Variants in HTR1F observed in about 807,000 individuals in gnomAD.
The protein encoded by HTR1F is 5-hydroxytryptamine receptor 1F.
In HTR1F, 17 loss-of-function variants were observed where a neutral mutation model predicts 24.0. The observed-to-expected ratio is 0.71, with a 90% CI of 0.48 to 1.06. HTR1F has a LOEUF of 1.06. Ranked by LOEUF, HTR1F falls within the 50% of genes least tolerant of loss-of-function variation. The probability of loss-of-function intolerance (pLI) is 0.00; values close to 1 mark genes in which losing one functional copy is unlikely to be tolerated. For synonymous variants in HTR1F, 186 were observed against 156.8 expected (o/e 1.19, Z -1.39); for missense variants, 391 against 427.8 (o/e 0.91, Z 0.76).
At chr3:87,899,263 T>A (rs1559623543) in intron 2 of HTR1F, among the ~76,000 whole-genome samples, 1 of 152,224 alleles carries the variant, frequency 6.6e-6, no homozygotes, top group African/African-American at 2.4e-5. Flanking sequence ...TTTTATGTCA[T>A]CAGCCTTGTT....
chr3:87,939,721 A>AT (rs1704517039), intron 2 of HTR1F, among the ~76,000 whole-genome samples: 1 of 151,958 alleles, frequency 6.6e-6, no homozygotes, highest in African/African-American at 2.4e-5. Context: ...CCCCTTTGTC[A>AT]TTTTTTATTG....
intron 2 of HTR1F, among the ~76,000 whole-genome samples, chr3:87,868,445 T>C (rs75151642): frequency 1.7e-3 from 254 of 152,108 alleles, no homozygotes; most frequent in African/African-American, 5.8e-3. Context: ...TATAATTAGA[T>C]AGAAGAATGA....
At chr3:87,846,034 T>A (rs545641167) in intron 2 of HTR1F, among the ~76,000 whole-genome samples, 2 of 152,050 alleles carry the variant, frequency 1.3e-5, no homozygotes, top group East Asian at 3.9e-4. Context: ...CTTCTAGGGC[T>A]AGGGATAAGC....
At chr3:87,857,904 C>T (rs1705230382) in intron 2 of HTR1F, among the ~76,000 whole-genome samples, 1 of 152,074 alleles carries the variant, frequency 6.6e-6, no homozygotes, top group Non-Finnish European at 1.5e-5. Flanking sequence ...CTGCCTACGG[C>T]AAGATATGAT....
At chr3:87,879,385 G>GT (rs1474065216) in intron 2 of HTR1F, among the ~76,000 whole-genome samples, 3 of 151,928 alleles carry the variant, frequency 2.0e-5, no homozygotes, top group Admixed American at 6.6e-5. Flanking sequence ...TGTCATTAAT[G>GT]TTTTTTTACT....
chr3:87,978,824 C>T (rs1449482591), intron 2 of HTR1F, among the ~76,000 whole-genome samples: 1 of 127,284 alleles, frequency 7.9e-6, no homozygotes, highest in Non-Finnish European at 1.6e-5. Flanking sequence ...GGTCCTATTG[C>T]TGCACCCTAA....
At chr3:87,900,638 G>A (rs1286450824) in intron 2 of HTR1F, among the ~76,000 whole-genome samples, 1 of 152,146 alleles carries the variant, frequency 6.6e-6, no homozygotes, top group Non-Finnish European at 1.5e-5. Context: ...AGAGATTCTA[G>A]AGGTGGCAGT....
chr3:87,846,154 C>T (rs979574200), intron 2 of HTR1F, among the ~76,000 whole-genome samples: 2 of 151,876 alleles, frequency 1.3e-5, no homozygotes, highest in African/African-American at 4.9e-5. Context: ...TAGTATGGGC[C>T]GGGTGCGGTG....
chr3:87,941,543 C>T (rs909023129), intron 2 of HTR1F, among the ~76,000 whole-genome samples: 1 of 152,146 alleles, frequency 6.6e-6, no homozygotes, highest in Non-Finnish European at 1.5e-5. Flanking sequence ...TAGCCCCGTA[C>T]TGAAGGACAA....
In HTR1F at chr3:87,990,445, T is replaced by C. The variant is rs1158157126; in HGVS notation, c.-42-263T>C. 9.2e-5 allele frequency among the ~76,000 whole-genome samples: 14 copies of C among 152,310 alleles called. No homozygotes were observed. In the East Asian group the frequency reaches 2.7e-3, roughly 29 times the overall value. ...CTATAATGGCAGAGATTTCACTGAG[T>C]AACAAGCTAGAGTATTCATTAAAAA... On this transcript the variant is annotated intron_variant, in intron 2 of 2. Coordinates refer to ENST00000319595, the MANE Select transcript of HTR1F (RefSeq NM_001322209.2).
intron 2 of HTR1F, among the ~76,000 whole-genome samples, chr3:87,847,289 A>G (rs1199613529): frequency 6.6e-6 from 1 of 151,902 alleles, no homozygotes; most frequent in Non-Finnish European, 1.5e-5. Context: ...CAAATTTACT[A>G]GGGTTCTATT....
chr3:87,810,479 T>C (rs1158069256), intron 1 of HTR1F, among the ~76,000 whole-genome samples: 1 of 152,164 alleles, frequency 6.6e-6, no homozygotes, highest in Non-Finnish European at 1.5e-5. Flanking sequence ...CATACTTTCT[T>C]TTGATGCCTT....
chr3:87,858,559 G>A (rs1487134825), intron 2 of HTR1F, among the ~76,000 whole-genome samples: 2 of 151,980 alleles, frequency 1.3e-5, no homozygotes, highest in South Asian at 2.1e-4. Context: ...TATATTTTGG[G>A]GGACTAAAGT....
chr3:87,803,164 C>G (rs1704021744), intron 1 of HTR1F, among the ~76,000 whole-genome samples: 1 of 152,162 alleles, frequency 6.6e-6, no homozygotes, highest in Non-Finnish European at 1.5e-5. Context: ...CCTTTCCCCT[C>G]TCTCTTCTGA....
chr3:87,846,590 T>A (rs1704950373), intron 2 of HTR1F, among the ~76,000 whole-genome samples: 1 of 151,994 alleles, frequency 6.6e-6, no homozygotes, highest in African/African-American at 2.4e-5. Flanking sequence ...TAGTCAGCAT[T>A]TCAATTTTTT....
intron 2 of HTR1F, among the ~76,000 whole-genome samples, chr3:87,930,838 C>A (rs1174365626): frequency 6.6e-6 from 1 of 152,058 alleles, no homozygotes; most frequent in African/African-American, 2.4e-5. Context: ...CATACCTATA[C>A]ATATACATTT....
At chr3:87,942,803 C>A (rs1704602654) in intron 2 of HTR1F, among the ~76,000 whole-genome samples, 1 of 151,756 alleles carries the variant, frequency 6.6e-6, no homozygotes, top group Non-Finnish European at 1.5e-5. Context: ...TATAAAAAAC[C>A]CAGGTTACCA....
chr3:87,983,182 A>T (rs1705589448), intron 2 of HTR1F, among the ~76,000 whole-genome samples: 1 of 152,230 alleles, frequency 6.6e-6, no homozygotes, highest in Admixed American at 6.5e-5. Flanking sequence ...GGGAGAGATG[A>T]GTATTCAAAG....
chr3:87,891,711 C>T (rs1706090634), intron 2 of HTR1F, among the ~76,000 whole-genome samples: 1 of 152,168 alleles, frequency 6.6e-6, no homozygotes, highest in Non-Finnish European at 1.5e-5. Context: ...ATTGATACTT[C>T]GTTGTTTCTC....
Sources: gnomAD v4.1 joint callset for allele counts (sites outside exome capture counted in the v4.1 genomes callset) on GRCh38, gnomAD v4.1.1 for gene constraint, MANE v1.5 for transcripts, NCBI Gene and HGNC (gene_info 2026-07-23, HGNC 2026-07-21) for gene names.